LRRC37A2: variants seen among roughly 807,000 people sequenced by gnomAD.
The protein encoded by LRRC37A2 is leucine rich repeat containing 37 member A2.
Under a neutral mutation model 68.8 loss-of-function variants are expected in LRRC37A2, and 9 were observed. The observed-to-expected ratio is 0.13, with a 90% confidence interval of 0.08 to 0.23. The LOEUF (loss-of-function observed/expected upper bound fraction) is 0.23, where lower values mean the gene tolerates loss of function less well. LRRC37A2 is among the 10% of genes least tolerant of loss of function. The probability of loss-of-function intolerance (pLI) is 1.00; values close to 1 mark genes in which losing one functional copy is unlikely to be tolerated. For synonymous variants in LRRC37A2, 63 were observed against 367.6 expected, an observed-to-expected ratio of 0.17 and a Z score of 9.48; for missense variants, 168 against 950.4, an observed-to-expected ratio of 0.18 and a Z score of 10.82.
At chr17:46,823,127 AT>A in the LRRC37A2 span, among the ~76,000 whole-genome samples, 1 of 132,892 alleles carries the variant, frequency 7.5e-6, no homozygotes, top group South Asian at 2.2e-4. Context: ...TATATTATAT[AT>A]TATATATATT....
chr17:47,035,751 T>C, the LRRC37A2 span, among the ~76,000 whole-genome samples: 1 of 152,242 alleles, frequency 6.6e-6, no homozygotes, highest in African/African-American at 2.4e-5. Context: ...ATTTCCACAG[T>C]GGCTGCTCCA....
the LRRC37A2 span, among the ~76,000 whole-genome samples, chr17:47,042,292 G>A: frequency 6.7e-6 from 1 of 149,058 alleles, no homozygotes; most frequent in Non-Finnish European, 1.5e-5. Context: ...CCGGGTTCAA[G>A]CAATTCTCCT....
chr17:46,896,427 A>AAAG, the LRRC37A2 span, among the ~76,000 whole-genome samples: 1 of 90,268 alleles, frequency 1.1e-5, no homozygotes, highest in Non-Finnish European at 1.9e-5. Context: ...AGAAAGAAAG[A>AAAG]AAGAAAGAAA....
chr17:46,403,718 AGATAGGGTCTCG>A, the LRRC37A2 span, among the ~76,000 whole-genome samples: 1 of 93,842 alleles, frequency 1.1e-5, no homozygotes, highest in Non-Finnish European at 2.4e-5. Context: ...TTTTTTTTTG[AGATAGGGTCTCG>A]CTCTGTTGCC....
At chr17:46,990,908 C>G in the LRRC37A2 span, among the ~76,000 whole-genome samples, 1 of 152,134 alleles carries the variant, frequency 6.6e-6, no homozygotes, top group African/African-American at 2.4e-5. Flanking sequence ...TGGCCTCAAG[C>G]AATCCTCCCG....
the LRRC37A2 span, among the ~76,000 whole-genome samples, chr17:46,725,351 G>T: frequency 6.6e-6 from 1 of 152,110 alleles, no homozygotes; most frequent in Non-Finnish European, 1.5e-5. Context: ...GGATAGATGG[G>T]GTTTAGACAG....
At chr17:46,390,401 ATT>A in the LRRC37A2 span, among the ~76,000 whole-genome samples, 1 of 112,362 alleles carries the variant, frequency 8.9e-6, no homozygotes. Flanking sequence ...AAATACATGT[ATT>A]TGACAGCCAG....
chr17:46,741,037 G>C, the LRRC37A2 span, among the ~76,000 whole-genome samples: 15 of 152,296 alleles, frequency 9.8e-5, no homozygotes, highest in African/African-American at 2.6e-4. Context: ...TGTGGGGGCA[G>C]GGGCAAGAGT....
At chr17:46,541,291 G>A (rs1479169028) in intron 8 of LRRC37A2, among the ~76,000 whole-genome samples, 3 of 149,564 alleles carry the variant, frequency 2.0e-5, no homozygotes, top group Non-Finnish European at 4.4e-5. Context: ...TCACTCTGTC[G>A]CCCAGGCTGC....
the LRRC37A2 span, chr17:46,818,394 G>A: frequency 1.1e-6 from 1 of 924,396 alleles, no homozygotes. Context: ...GGGCGGGTGG[G>A]GGGCTGGAGG....
At chr17:46,713,753 G>A in the LRRC37A2 span, 1 of 1,094,554 alleles carries the variant, frequency 9.1e-7, no homozygotes, top group Non-Finnish European at 1.3e-6. Flanking sequence ...TGAGCAACTA[G>A]TCGAGACCTC....
At chr17:46,847,782 T>C in the LRRC37A2 span, among the ~76,000 whole-genome samples, 14 of 152,116 alleles carry the variant, frequency 9.2e-5, no homozygotes, top group African/African-American at 2.7e-4. Flanking sequence ...GCATTTCCAC[T>C]TGGGAGGCAC....
the LRRC37A2 span, among the ~76,000 whole-genome samples, chr17:46,900,507 C>T: frequency 6.6e-6 from 1 of 152,174 alleles, no homozygotes; most frequent in Non-Finnish European, 1.5e-5. Flanking sequence ...GCCTTGGCCT[C>T]CCAAAGTGCT....
the LRRC37A2 span, among the ~76,000 whole-genome samples, chr17:46,440,400 T>TA: frequency 1.2e-5 from 1 of 80,146 alleles, no homozygotes. Context: ...TTATTTTATT[T>TA]TTTTTTTTTT....
At chr17:46,938,223 G>C in the LRRC37A2 span, among the ~76,000 whole-genome samples, 8 of 151,944 alleles carry the variant, frequency 5.3e-5, no homozygotes, top group Non-Finnish European at 8.8e-5. Context: ...TGTGGCTTTA[G>C]CTTTTATGTT....
the LRRC37A2 span, among the ~76,000 whole-genome samples, chr17:46,792,309 TAAAG>T: frequency 2.0e-5 from 3 of 152,086 alleles, no homozygotes; most frequent in African/African-American, 7.2e-5. Context: ...GTGAATGAAA[TAAAG>T]AACGCTTTTA....
the LRRC37A2 span, among the ~76,000 whole-genome samples, chr17:46,845,730 C>T: frequency 6.6e-6 from 1 of 150,590 alleles, no homozygotes; most frequent in Admixed American, 6.6e-5. Flanking sequence ...CCTTGTGATC[C>T]AACCACCTCG....
At chr17:46,838,574 C>T in the LRRC37A2 span, among the ~76,000 whole-genome samples, 1 of 152,050 alleles carries the variant, frequency 6.6e-6, no homozygotes, top group South Asian at 2.1e-4. Context: ...CTGCAGTGAG[C>T]CATGATGGCG....
At chr17:47,001,717 C>CTTTTTT in the LRRC37A2 span, among the ~76,000 whole-genome samples, 114 of 108,520 alleles carry the variant, frequency 1.1e-3, no homozygotes, top group Non-Finnish European at 1.4e-3. Flanking sequence ...CTCTTTTTTC[C>CTTTTTT]TTTTTTTTTT....
Sources: allele counts gnomAD v4.1 joint callset (sites outside exome capture counted in the v4.1 genomes callset), GRCh38; gene constraint gnomAD v4.1.1; transcripts MANE v1.5; gene names NCBI Gene and HGNC (gene_info 2026-07-23, HGNC 2026-07-21).